SWT1: variants seen among roughly 807,000 people sequenced by gnomAD.
The protein encoded by SWT1 is transcriptional protein SWT1.
In SWT1, 33 loss-of-function variants were observed where a neutral mutation model predicts 107.3. The ratio of observed to expected loss-of-function variants is 0.31; its 90% confidence interval spans 0.23 to 0.41. The LOEUF is 0.41. SWT1 is among the 10% of genes least tolerant of loss of function. The pLI, the probability that SWT1 is intolerant of heterozygous loss-of-function variation, is 1.00. For missense variants in SWT1, 898 were observed against 1,028.9 expected (o/e 0.87, Z 1.74); for synonymous variants, 345 against 348.3 (o/e 0.99, Z 0.11).
At chr1:185,172,004 T>G (rs1655115772) in intron 4 of SWT1, among the ~76,000 whole-genome samples, 2 of 152,216 alleles carry the variant, frequency 1.3e-5, no homozygotes, top group Non-Finnish European at 2.9e-5. Flanking sequence ...TGCTCTTACA[T>G]AATTAATTAT....
At chr1:185,243,003 A>G (rs1041917271) in intron 16 of SWT1, among the ~76,000 whole-genome samples, 3 of 152,236 alleles carry the variant, frequency 2.0e-5, no homozygotes, top group African/African-American at 7.2e-5. Context: ...TAGTAAGTAT[A>G]TGGGATAAAG....
At chr1:185,185,047 T>C in intron 9 of SWT1, 116 bp downstream of exon 9, 9 of 673,842 alleles carry the variant, frequency 1.3e-5, no homozygotes, top group Non-Finnish European at 2.0e-5. Context: ...GAATGTGAAA[T>C]GGAAGGGGCA....
Position 185,175,099 on chromosome 1 carries a change from G to A in SWT1, c.952G>A (p.Glu318Lys). 1 of 1,551,538 alleles carries A rather than the reference G, an allele frequency of 6.4e-7. No individual in the cohort carries two copies. The highest frequency in any genetic ancestry group is 8.7e-7 in the Non-Finnish European group (1 of 1,151,858). Residue 318 changes from glutamate to lysine, a missense_variant, in exon 5 of 19, where the codon GAA becomes AAA. Transcript: ENST00000367500. ...AGAAAGTAATGATTCACATTCTAGG[G>A]AAAACCTAACCCAGGTAAGGTAGTA... ...HQESNDSHSR[E>K]NLTQSFEAPC...
Position 185,160,894 on chromosome 1 carries a change from C to T in SWT1, c.53C>T (p.Thr18Ile), listed in dbSNP as rs1424000342. The change falls in exon 2 of 19, where the codon ACC becomes ATC. Residue 18 changes from threonine (T) to isoleucine (I), a missense_variant. Thr to Ile is a moderately conservative substitution (Grantham distance 89, BLOSUM62 -1). Coordinates refer to ENST00000367500, the MANE Select transcript of SWT1 (RefSeq NM_017673.7). ...GKKETSQRKD[T>I]TTSSPNFGEK... Reference sequence around the variant, plus strand: ...AAAGAGACATCTCAGAGGAAAGACACCACCACCTCATCACCCAATTTTGGT... The same window carrying T: ...AAAGAGACATCTCAGAGGAAAGACATCACCACCTCATCACCCAATTTTGGT... 1 of 1,612,860 alleles carries T rather than the reference C, an allele frequency of 6.2e-7. No homozygotes were observed. The highest frequency in any genetic ancestry group is 1.3e-5 in the African/African-American group (1 of 74,970).
At chr1:185,193,728 G>C (rs1309293908) in intron 10 of SWT1, among the ~76,000 whole-genome samples, 4 of 152,174 alleles carry the variant, frequency 2.6e-5, no homozygotes, top group Non-Finnish European at 4.4e-5. Flanking sequence ...GCCTCCCAAA[G>C]TGCTGGGATT....
chr1:185,205,622 G>A (rs1050666462), intron 12 of SWT1, among the ~76,000 whole-genome samples: 1 of 152,208 alleles, frequency 6.6e-6, no homozygotes, highest in African/African-American at 2.4e-5. Flanking sequence ...TTCTGTCTCA[G>A]CCTCCCATAG....
chr1:185,180,513 T>C (rs943734973), intron 6 of SWT1, 63 bp downstream of exon 6: 11 of 1,167,198 alleles, frequency 9.4e-6, no homozygotes, highest in Non-Finnish European at 1.4e-5. Flanking sequence ...CTACTTTTAA[T>C]AAAAAATAAT....
chr1:185,249,335 A>T (rs1328225297), intron 16 of SWT1, among the ~76,000 whole-genome samples: 3 of 151,986 alleles, frequency 2.0e-5, no homozygotes, highest in South Asian at 4.2e-4. Context: ...CTGCCTGTTG[A>T]TAGGAATGCC....
chr1:185,285,578 G>A (rs1414547789), intron 18 of SWT1, among the ~76,000 whole-genome samples: 2 of 152,092 alleles, frequency 1.3e-5, no homozygotes, highest in Non-Finnish European at 2.9e-5. Context: ...CATTGCCCAT[G>A]CTTTTAAGAC....
At chr1:185,208,552 A>G (rs902199266) in intron 13 of SWT1, among the ~76,000 whole-genome samples, 3 of 152,198 alleles carry the variant, frequency 2.0e-5, no homozygotes, top group African/African-American at 7.2e-5. Flanking sequence ...TAGATATGCT[A>G]ATTACCCTGA....
At chr1:185,236,328 G>A (rs920368557) in intron 16 of SWT1, among the ~76,000 whole-genome samples, 1 of 152,116 alleles carries the variant, frequency 6.6e-6, no homozygotes, top group Non-Finnish European at 1.5e-5. Flanking sequence ...ATACTAGAAG[G>A]CTACAGTAAC....
chr1:185,161,900 TGA>T (rs2102294116), intron 2 of SWT1, among the ~76,000 whole-genome samples: 1 of 152,290 alleles, frequency 6.6e-6, no homozygotes, highest in South Asian at 2.1e-4. Context: ...CTGTGCAAGA[TGA>T]GAGACTAATC....
At position 185,190,613 on chromosome 1, in the gene SWT1, A is replaced by G. The variant is rs1477825236; in HGVS notation, c.1494A>G (p.Leu498=). 1 of 1,609,684 alleles carries G rather than the reference A, an allele frequency of 6.2e-7. No individual in the cohort carries two copies. The highest frequency in any genetic ancestry group is 8.5e-7 in the Non-Finnish European group (1 of 1,176,286). The change falls in exon 10 of 19, where the codon TTA becomes TTG. Residue 498 remains leucine, a synonymous_variant. Transcript: ENST00000367500. ...AATGCTGTCTCCAGCACCAGGAATTATTCCCTTGTTCTTTTGTTATTCTGT... is the reference window on the plus strand; with the variant it reads ...AATGCTGTCTCCAGCACCAGGAATTGTTCCCTTGTTCTTTTGTTATTCTGT... ...VLKCCLQHQE[L]FPCSFVILCT... is the part of the protein sequence containing the mutation.
chr1:185,278,410 C>A (rs1233736124), intron 18 of SWT1, among the ~76,000 whole-genome samples: 1 of 152,158 alleles, frequency 6.6e-6, no homozygotes, highest in Admixed American at 6.5e-5. Context: ...TTGAACTTCC[C>A]AGCCTCCAGA....
intron 13 of SWT1, among the ~76,000 whole-genome samples, chr1:185,210,225 A>G (rs992433509): frequency 6.6e-6 from 1 of 152,094 alleles, no homozygotes; most frequent in Non-Finnish European, 1.5e-5. Context: ...CTTTAGTTTA[A>G]TTAGATCCCA....
At chr1:185,253,989 G>A (rs1326974041) in intron 16 of SWT1, among the ~76,000 whole-genome samples, 4 of 145,536 alleles carry the variant, frequency 2.7e-5, no homozygotes, top group Admixed American at 6.9e-5. Flanking sequence ...TTAGCATGAA[G>A]GGTTGTTGAA....
intron 13 of SWT1, among the ~76,000 whole-genome samples, chr1:185,211,686 C>T (rs1186390373): frequency 6.6e-6 from 1 of 152,190 alleles, no homozygotes; most frequent in East Asian, 1.9e-4. Flanking sequence ...TACCATTTGA[C>T]TCAGCCATCC....
At chr1:185,175,240 T>C (rs1006379105) in intron 5 of SWT1, 127 bp downstream of exon 5, 2 of 891,894 alleles carry the variant, frequency 2.2e-6, no homozygotes, top group East Asian at 3.2e-5. Context: ...TTTTTGTTTT[T>C]GAGACAGGGT....
intron 18 of SWT1, among the ~76,000 whole-genome samples, chr1:185,290,400 GA>G (rs1665182795): frequency 1.3e-5 from 2 of 152,082 alleles, no homozygotes; most frequent in African/African-American, 4.8e-5. Context: ...AAGATGCTGA[GA>G]CTCTATCTCT....
Sources: gnomAD v4.1 joint callset for allele counts (sites outside exome capture counted in the v4.1 genomes callset) on GRCh38, gnomAD v4.1.1 for gene constraint, MANE v1.5 for transcripts, NCBI Gene and HGNC (gene_info 2026-07-23, HGNC 2026-07-21) for gene names.